SLC9B1: variants seen among roughly 807,000 people sequenced by gnomAD.
SLC9B1 encodes sodium/hydrogen exchanger 9B1.
A neutral mutation model predicts 51.7 loss-of-function variants in SLC9B1; 32 were observed. That is an observed-to-expected ratio of 0.62 (90% CI 0.47 to 0.83). The LOEUF is 0.83. Among genes scored for constraint, SLC9B1 ranks in the 40% least tolerant of loss-of-function variants. The probability of loss-of-function intolerance (pLI) is 0.00; values close to 1 mark genes in which losing one functional copy is unlikely to be tolerated. For missense variants in SLC9B1, 406 were observed against 613.2 expected (o/e 0.66, Z 3.57); for synonymous variants, 145 against 212.7 (o/e 0.68, Z 2.77).
intron 9 of SLC9B1, among the ~76,000 whole-genome samples, chr4:102,907,590 G>A (rs544996583): frequency 1.0e-3 from 153 of 152,258 alleles, no homozygotes; most frequent in Admixed American, 2.4e-3. Context: ...CAATTAAAAC[G>A]TTACAGGAAA....
At chr4:102,983,485 T>C (rs550144283) in intron 3 of SLC9B1, among the ~76,000 whole-genome samples, 1 of 152,300 alleles carries the variant, frequency 6.6e-6, no homozygotes, top group East Asian at 1.9e-4. Context: ...CTTAAATGTT[T>C]TGTAGAATTT....
rs1359875467 is a variant in SLC9B1, at chr4:102,932,506, C to T, written c.654-207G>A. On this transcript the variant is annotated intron_variant, in intron 6 of 11. Transcript: ENST00000296422. Reference sequence around the variant, plus strand: ...TACAGATGTGGTTTAAAATGTTGGGCTGAACACAGGTTGCAGCCTCTCCCT... The same window carrying T: ...TACAGATGTGGTTTAAAATGTTGGGTTGAACACAGGTTGCAGCCTCTCCCT... Among the ~76,000 whole-genome samples, 6 of 152,140 alleles carry T rather than the reference C, an allele frequency of 3.9e-5. No homozygotes were observed. In the South Asian group the frequency reaches 6.2e-4, roughly 16 times the overall value.
chr4:102,970,264 A>G lies in SLC9B1; in HGVS notation c.211+19536T>C, dbSNP rs111410568. ...AAAGGTCGGGTTAGCCACAAAGGGA[A>G]GCACATCAGACTAACAGAAGATCTC... On this transcript the variant is annotated intron_variant, in intron 3 of 11. Transcript: ENST00000296422. 9.3e-3 allele frequency among the ~76,000 whole-genome samples: 1,415 copies of G among 152,322 alleles called. 15 individuals are homozygous for G. The highest frequency in any genetic ancestry group is 0.031 in the African/African-American group (1,278 of 41,568).
intron 1 of SLC9B1, among the ~76,000 whole-genome samples, chr4:103,009,394 T>A (rs1246877996): frequency 1.3e-5 from 2 of 152,216 alleles, no homozygotes; most frequent in African/African-American, 4.8e-5. Flanking sequence ...ATGATTTACT[T>A]TGTAGCCCAG....
chr4:102,994,259 A>T (rs1465268278), intron 1 of SLC9B1, among the ~76,000 whole-genome samples: 1 of 152,084 alleles, frequency 6.6e-6, no homozygotes, highest in Non-Finnish European at 1.5e-5. Flanking sequence ...GATATCCTAA[A>T]TTATCACTCT....
At chr4:103,015,482 A>G (rs1422826614) in intron 1 of SLC9B1, among the ~76,000 whole-genome samples, 6 of 152,074 alleles carry the variant, frequency 3.9e-5, no homozygotes, top group Non-Finnish European at 7.4e-5. Flanking sequence ...TACCCACCCA[A>G]CACTCTAGTC....
chr4:103,017,281 G>C (rs917966571), intron 1 of SLC9B1, among the ~76,000 whole-genome samples: 42 of 152,140 alleles, frequency 2.8e-4, no homozygotes, highest in African/African-American at 9.9e-4. Context: ...TTCTGCTATA[G>C]ATCTTGCTCC....
At position 102,932,179 on chromosome 4, in the gene SLC9B1, A is replaced by G. The variant is rs763199764; in HGVS notation, c.774T>C (p.Asp258=). The G allele has an allele frequency of 6.8e-6, 11 of 1,611,482 alleles. No homozygotes were observed. The South Asian group carries it at 1.1e-4, about 16-fold the overall frequency. ...TGAATCCAGTGATAGCCAGAATGTC[A>G]TCCATACTGCTAGCAGCCATTAATA... is the stretch of plus-strand genomic sequence containing the variant. ...PTLLMAASSM[D]DILAITGFNT... The change falls in exon 7 of 12, where the codon GAT becomes GAC. Residue 258 remains aspartate, a synonymous_variant. Transcript: ENST00000296422.
intron 1 of SLC9B1, among the ~76,000 whole-genome samples, chr4:102,998,132 A>G (rs750030652): frequency 8.5e-5 from 13 of 152,090 alleles, no homozygotes; most frequent in Non-Finnish European, 1.6e-4. Flanking sequence ...CATTATCTTG[A>G]CCTGAAACTG....
rs529742125 is a variant in SLC9B1, at chr4:102,932,038, T to C, written c.829+86A>G. 4.7e-6 allele frequency: 6 copies of C among 1,281,702 alleles called. No homozygotes were observed. The African/African-American group carries it at 7.4e-5, about 16-fold the overall frequency. The allele number at this position is 1,281,702 out of a possible 1,614,324, so 79.4% of individuals were successfully genotyped here. On this transcript the variant is annotated intron_variant, in intron 7 of 11. Transcript: ENST00000296422. ...AAATTGAACAGTCTTGGTTAATAAATGAAGAAGCAAAGCCAGAAACCCTGT... is the reference window on the plus strand; with the variant it reads ...AAATTGAACAGTCTTGGTTAATAAACGAAGAAGCAAAGCCAGAAACCCTGT...
chr4:102,998,669 T>C (rs535162083), intron 1 of SLC9B1, among the ~76,000 whole-genome samples: 1 of 152,174 alleles, frequency 6.6e-6, no homozygotes, highest in South Asian at 2.1e-4. Context: ...ATGATTCCAG[T>C]TTCTCCACAT....
intron 1 of SLC9B1, among the ~76,000 whole-genome samples, chr4:103,000,159 A>C (rs761551051): frequency 3.9e-5 from 6 of 152,172 alleles, no homozygotes; most frequent in Non-Finnish European, 8.8e-5. Context: ...CTACACATGG[A>C]GATTACAATA....
intron 11 of SLC9B1, among the ~76,000 whole-genome samples, chr4:102,895,321 T>C (rs1275982290): frequency 6.6e-6 from 1 of 152,102 alleles, no homozygotes; most frequent in Non-Finnish European, 1.5e-5. Context: ...TTTTAAATGA[T>C]TTAAATACGT....
In SLC9B1 at chr4:102,885,294, C is replaced by T. The variant is rs142253163; in HGVS notation, c.1367G>A (p.Arg456Gln). 2.3e-5 allele frequency: 37 copies of T among 1,613,798 alleles called. No homozygotes were observed. Among genetic ancestry groups the T allele is most frequent in the Non-Finnish European group, 2.9e-5 (34 of 1,179,958 alleles). Reference sequence around the variant, plus strand: ...TACCTTGCAGTTCGTCCATTCCTCCCGAAGAAGAAACAACAGAAGGATAGC... The same window carrying T: ...TACCTTGCAGTTCGTCCATTCCTCCTGAAGAAGAAACAACAGAAGGATAGC... Residue 456 changes from arginine (R) to glutamine (Q), a missense_variant, in exon 12 of 12, where the codon CGG becomes CAG. Physicochemically the swap from Arg to Gln is conservative, Grantham distance 43. Transcript: ENST00000394789.
At chr4:102,957,745 T>C (rs1176443462) in intron 3 of SLC9B1, among the ~76,000 whole-genome samples, 3 of 152,100 alleles carry the variant, frequency 2.0e-5, no homozygotes, top group Non-Finnish European at 4.4e-5. Context: ...TAAATAAATT[T>C]GTAAGTATAA....
Position 102,943,008 on chromosome 4 carries a change from G to T in SLC9B1, c.653+2185C>A, listed in dbSNP as rs541950495. ...AAAAACCAAATTATCCTATCAAAAA[G>T]TGTGCTAAGGACATGAATAGACACT... On this transcript the variant is annotated intron_variant, in intron 6 of 11. Transcript: ENST00000296422. Among the ~76,000 whole-genome samples the T allele has an allele frequency of 4.1e-3, 624 of 152,094 alleles. 3 individuals carry two copies. The highest frequency in any genetic ancestry group is 4.5e-3 in the Non-Finnish European group (305 of 67,980).
intron 3 of SLC9B1, among the ~76,000 whole-genome samples, chr4:102,986,533 C>T (rs1171206906): frequency 6.6e-6 from 1 of 152,116 alleles, no homozygotes; most frequent in Non-Finnish European, 1.5e-5. Context: ...TGTGGAAATT[C>T]CTAGTCATTA....
intron 3 of SLC9B1, among the ~76,000 whole-genome samples, chr4:102,972,069 G>A (rs1379998062): frequency 6.6e-6 from 1 of 152,152 alleles, no homozygotes; most frequent in East Asian, 1.9e-4. Context: ...GGTACAAAGA[G>A]GAGCTGGTAC....
intron 3 of SLC9B1, among the ~76,000 whole-genome samples, chr4:102,969,152 G>T (rs1275643640): frequency 6.6e-6 from 1 of 152,184 alleles, no homozygotes; most frequent in Non-Finnish European, 1.5e-5. Flanking sequence ...AGACTTAAAC[G>T]TCCCTGTCTG....
Sources: allele counts gnomAD v4.1 joint callset (sites outside exome capture counted in the v4.1 genomes callset), GRCh38; gene constraint gnomAD v4.1.1; transcripts MANE v1.5; gene names NCBI Gene and HGNC (gene_info 2026-07-23, HGNC 2026-07-21).